CPA6: variants seen among roughly 807,000 people sequenced by gnomAD.
CPA6 encodes carboxypeptidase B.
A neutral mutation model predicts 63.3 loss-of-function variants in CPA6; 58 were observed. The observed-to-expected ratio is 0.92, with a 90% CI of 0.74 to 1.14. CPA6 has a LOEUF of 1.14. Ranked by LOEUF, CPA6 falls within the 50% of genes most tolerant of loss-of-function variation. The pLI, the probability that CPA6 is intolerant of heterozygous loss-of-function variation, is 0.00. For synonymous variants in CPA6, 185 were observed against 179.0 expected (o/e 1.03, Z -0.27); for missense variants, 565 against 526.6 (o/e 1.07, Z -0.71).
At chr8:67,455,249 C>T (rs959678678) in intron 8 of CPA6, among the ~76,000 whole-genome samples, 17 of 152,208 alleles carry the variant, frequency 1.1e-4, no homozygotes, top group African/African-American at 3.6e-4. Flanking sequence ...CACGAAGCAG[C>T]GCAGTGACAG....
At chr8:67,709,798 T>C (rs567524347) in intron 1 of CPA6, among the ~76,000 whole-genome samples, 1 of 152,256 alleles carries the variant, frequency 6.6e-6, no homozygotes, top group East Asian at 1.9e-4. Flanking sequence ...GGGGAGCTCA[T>C]ACAGGTCATA....
intron 8 of CPA6, among the ~76,000 whole-genome samples, chr8:67,461,370 G>T (rs977953909): frequency 6.1e-5 from 9 of 146,932 alleles, no homozygotes; most frequent in African/African-American, 2.3e-4. Context: ...GAGAGCACAG[G>T]GTTGGGGGTA....
chr8:67,440,522 G>T (rs1810267177), intron 8 of CPA6, among the ~76,000 whole-genome samples: 1 of 152,132 alleles, frequency 6.6e-6, no homozygotes, highest in Non-Finnish European at 1.5e-5. Context: ...AGTGAGCCAA[G>T]ATCGTGCCAC....
intron 10 of CPA6, among the ~76,000 whole-genome samples, chr8:67,423,091 CT>C (rs897814241): frequency 2.2e-4 from 33 of 147,918 alleles, no homozygotes; most frequent in Admixed American, 3.4e-4. Context: ...CCAGAAATGT[CT>C]TTTTTTTTTT....
intron 1 of CPA6, among the ~76,000 whole-genome samples, chr8:67,734,023 G>A (rs1175031483): frequency 2.0e-5 from 3 of 146,632 alleles, no homozygotes; most frequent in Non-Finnish European, 4.5e-5. Flanking sequence ...GCAGGCATGC[G>A]CCACCACACC....
At chr8:67,498,050 G>T (rs190101058) in intron 6 of CPA6, among the ~76,000 whole-genome samples, 74 of 152,098 alleles carry the variant, frequency 4.9e-4, no homozygotes, top group Non-Finnish European at 5.6e-4. Flanking sequence ...TATTCTCTTT[G>T]TTCCCTGGCC....
intron 2 of CPA6, among the ~76,000 whole-genome samples, chr8:67,556,123 G>A (rs753327420): frequency 3.9e-5 from 6 of 152,200 alleles, no homozygotes; most frequent in Non-Finnish European, 7.3e-5. Context: ...TGTTGTCAAG[G>A]TCTAGGCATA....
At chr8:67,741,330 T>A (rs1436661105) in intron 1 of CPA6, among the ~76,000 whole-genome samples, 2 of 152,188 alleles carry the variant, frequency 1.3e-5, no homozygotes, top group Non-Finnish European at 2.9e-5. Context: ...CAGGGCTAGA[T>A]GATCAGAATT....
At chr8:67,681,442 C>T (rs1816596175) in intron 1 of CPA6, among the ~76,000 whole-genome samples, 1 of 151,564 alleles carries the variant, frequency 6.6e-6, no homozygotes, top group South Asian at 2.1e-4. Flanking sequence ...ATCTCCTGAC[C>T]TCATGATCCA....
intron 2 of CPA6, among the ~76,000 whole-genome samples, chr8:67,617,967 C>T (rs1814996565): frequency 6.6e-6 from 1 of 152,178 alleles, no homozygotes; most frequent in Non-Finnish European, 1.5e-5. Flanking sequence ...AGTCTGAGTG[C>T]CTCTTCTGCA....
chr8:67,564,504 T>C (rs567468817), intron 2 of CPA6, among the ~76,000 whole-genome samples: 1 of 152,132 alleles, frequency 6.6e-6, no homozygotes, highest in South Asian at 2.1e-4. Context: ...GACTCAAGAA[T>C]ATATCCTTTT....
At chr8:67,459,102 T>C (rs1209605993) in intron 8 of CPA6, among the ~76,000 whole-genome samples, 1 of 152,232 alleles carries the variant, frequency 6.6e-6, no homozygotes. Flanking sequence ...ACATGGATGT[T>C]TACAACAGCT....
intron 1 of CPA6, among the ~76,000 whole-genome samples, chr8:67,648,523 TG>T (rs1815766549): frequency 6.6e-6 from 1 of 152,078 alleles, no homozygotes; most frequent in East Asian, 1.9e-4. Context: ...CAAAGCAGCT[TG>T]GGTTTTGGTA....
intron 1 of CPA6, among the ~76,000 whole-genome samples, chr8:67,654,443 G>C (rs1815933050): frequency 6.6e-6 from 1 of 152,164 alleles, no homozygotes; most frequent in Non-Finnish European, 1.5e-5. Flanking sequence ...TCTATTCAGA[G>C]ATTCAACTTC....
intron 10 of CPA6, 21 bp from the exon 11 acceptor site, chr8:67,422,712 A>C: frequency 1.3e-6 from 2 of 1,583,522 alleles, no homozygotes; most frequent in South Asian, 2.3e-5. Flanking sequence ...AAACAAAAAA[A>C]AAAAGATCAG....
chr8:67,660,491 G>A (rs948512509), intron 1 of CPA6, among the ~76,000 whole-genome samples: 2 of 139,928 alleles, frequency 1.4e-5, no homozygotes, highest in Non-Finnish European at 1.5e-5. Context: ...CATCATGCCC[G>A]GCTCATTTTT....
At chr8:67,436,899 T>C (rs1810169346) in intron 8 of CPA6, among the ~76,000 whole-genome samples, 1 of 152,224 alleles carries the variant, frequency 6.6e-6, no homozygotes, top group Admixed American at 6.5e-5. Flanking sequence ...GGTTCTGTGA[T>C]GTAGCCTAAT....
intron 1 of CPA6, among the ~76,000 whole-genome samples, chr8:67,712,080 G>A (rs1035490840): frequency 4.6e-5 from 7 of 152,142 alleles, no homozygotes; most frequent in Non-Finnish European, 1.0e-4. Context: ...TGATATGTGC[G>A]CTTGTGCCAC....
At chr8:67,555,356 G>A (rs530552939) in intron 2 of CPA6, among the ~76,000 whole-genome samples, 11 of 152,262 alleles carry the variant, frequency 7.2e-5, no homozygotes, top group South Asian at 2.1e-4. Context: ...AATCAATCAC[G>A]TCTACATAAT....
Sources: gnomAD v4.1 joint callset for allele counts (sites outside exome capture counted in the v4.1 genomes callset) on GRCh38, gnomAD v4.1.1 for gene constraint, MANE v1.5 for transcripts, NCBI Gene and HGNC (gene_info 2026-07-23, HGNC 2026-07-21) for gene names.